Variants in MIER1 observed in about 807,000 individuals in gnomAD.
The protein encoded by MIER1 is mesoderm induction early response protein 1.
MIER1 carries 40 observed loss-of-function variants against 75.7 expected under a neutral mutation model. The observed-to-expected ratio is 0.53, with a 90% CI of 0.41 to 0.69. The LOEUF (loss-of-function observed/expected upper bound fraction) is 0.69, where lower values mean the gene tolerates loss of function less well. Ranked by LOEUF, MIER1 falls within the 30% of genes least tolerant of loss-of-function variation. The probability of loss-of-function intolerance (pLI) is 0.00; values close to 1 mark genes in which losing one functional copy is unlikely to be tolerated. For missense variants in MIER1, 574 were observed against 680.2 expected (o/e 0.84, Z 1.74); for synonymous variants, 213 against 223.4 (o/e 0.95, Z 0.42).
Position 66,985,684 on chromosome 1 carries a change from T to C in MIER1, c.*784T>C. The C allele has an allele frequency of 1.0e-6, 1 of 985,150 alleles. No homozygotes were observed. Among genetic ancestry groups the C allele is most frequent in the Non-Finnish European group, 1.2e-6 (1 of 829,650 alleles). The allele number at this position is 985,150 out of a possible 1,614,324, so 61.0% of individuals were successfully genotyped here. A position where few individuals can be genotyped will look rare whatever the true frequency, so the allele number is the denominator to read the frequency against. ...AGTTGGTAAACTTTTATGAGAGGAA[T>C]TGTTATTCTGAGTCTGTCAGCTTTC... is the stretch of plus-strand genomic sequence containing the variant. On this transcript the variant is annotated 3_prime_UTR_variant, in exon 14 of 14. Transcript: ENST00000401041.
intron 10 of MIER1, among the ~76,000 whole-genome samples, chr1:66,972,235 CATATATAT>C (rs71058486): frequency 3.1e-5 from 2 of 63,708 alleles, no homozygotes; most frequent in South Asian, 3.6e-4. Flanking sequence ...ATATACACTA[CATATATAT>C]ATATATATAT....
intron 11 of MIER1, among the ~76,000 whole-genome samples, chr1:66,974,064 T>C (rs1664208010): frequency 6.6e-6 from 1 of 152,126 alleles, no homozygotes; most frequent in South Asian, 2.1e-4. Flanking sequence ...TCTTAAATTT[T>C]GTCGTGCATT....
intron 10 of MIER1, among the ~76,000 whole-genome samples, chr1:66,972,227 A>ATG (rs1228602875): frequency 1.9e-5 from 2 of 103,366 alleles, no homozygotes; most frequent in East Asian, 2.3e-4. Flanking sequence ...ATATATATAT[A>ATG]TACACTACAT....
At chr1:66,966,431 A>C (rs191535946) in intron 8 of MIER1, among the ~76,000 whole-genome samples, 1 of 152,162 alleles carries the variant, frequency 6.6e-6, no homozygotes, top group Non-Finnish European at 1.5e-5. Context: ...AATCCAGTCT[A>C]TCACTGATGG....
chr1:66,986,092 C>G lies in MIER1; in HGVS notation c.*1192C>G. 2 of 1,065,812 alleles carry G rather than the reference C, an allele frequency of 1.9e-6. No individual in the cohort carries two copies. The highest frequency in any genetic ancestry group is 5.2e-5 in the Admixed American group (1 of 19,340). 66.0% of individuals were successfully genotyped at this position (1,065,812 alleles called of 1,614,324 possible). A position where few individuals can be genotyped will look rare whatever the true frequency, so the allele number is the denominator to read the frequency against. ...AGTGATACTTAGATATTGGCACACA[C>G]AAGGAACAACTGTTGGCAGGCAGTA... On this transcript the variant is annotated 3_prime_UTR_variant, in exon 14 of 14. Coordinates refer to ENST00000401041, the MANE Select transcript of MIER1 (RefSeq NM_001077700.3).
chr1:66,968,736 A>T (rs1366078253), intron 8 of MIER1, among the ~76,000 whole-genome samples: 1 of 152,178 alleles, frequency 6.6e-6, no homozygotes, highest in Non-Finnish European at 1.5e-5. Flanking sequence ...TGATTACAAA[A>T]TCTCCTGAGC....
chr1:66,942,071 G>C (rs1656375770), intron 3 of MIER1, among the ~76,000 whole-genome samples: 1 of 151,760 alleles, frequency 6.6e-6, no homozygotes. Context: ...GACTGAAATA[G>C]ATCTTTTGAG....
At position 66,986,145 on chromosome 1, in the gene MIER1, T is replaced by C. The variant is rs1666752706; in HGVS notation, c.*1245T>C. On this transcript the variant is annotated 3_prime_UTR_variant, in exon 14 of 14. Coordinates refer to ENST00000401041, the MANE Select transcript of MIER1 (RefSeq NM_001077700.3). The stretch of plus-strand genomic sequence containing the variant: ...GATTTTATGAAGAGAAAGTGAAGTT[T>C]GAAAACTTTTCAAACTTTTCTAGTT... The C allele has an allele frequency of 2.6e-6, 3 of 1,166,570 alleles. No individual in the cohort carries two copies. The South Asian group carries it at 9.4e-5, about 37-fold the overall frequency. 72.3% of individuals were successfully genotyped at this position (1,166,570 alleles called of 1,614,324 possible).
At chr1:66,966,856 G>C (rs1476794646) in intron 8 of MIER1, among the ~76,000 whole-genome samples, 3 of 152,138 alleles carry the variant, frequency 2.0e-5, no homozygotes, top group Admixed American at 2.0e-4. Flanking sequence ...TTTTAAATCA[G>C]ATTATTAGAC....
intron 4 of MIER1, among the ~76,000 whole-genome samples, chr1:66,948,644 G>A (rs1658213974): frequency 6.6e-6 from 1 of 152,232 alleles, no homozygotes; most frequent in Non-Finnish European, 1.5e-5. Context: ...TGTAATCTCA[G>A]TACTTCAGAA....
At chr1:66,940,617 A>T (rs189241132) in intron 3 of MIER1, among the ~76,000 whole-genome samples, 1 of 152,182 alleles carries the variant, frequency 6.6e-6, no homozygotes, top group Admixed American at 6.5e-5. Context: ...AATACAGTAC[A>T]TATTCATTTT....
At chr1:66,935,955 C>T (rs977317588) in intron 2 of MIER1, among the ~76,000 whole-genome samples, 12 of 151,824 alleles carry the variant, frequency 7.9e-5, no homozygotes, top group African/African-American at 2.9e-4. Context: ...AAATGTTTTT[C>T]TACCTTTTTG....
intron 3 of MIER1, chr1:66,940,272 T>A (rs1655893437): frequency 9.4e-4 from 21 of 22,312 alleles, no homozygotes; most frequent in East Asian, 2.9e-3. Context: ...TGGGTTTTCT[T>A]TTTTTTTTTT....
intron 2 of MIER1, among the ~76,000 whole-genome samples, chr1:66,935,045 T>G (rs1654440225): frequency 6.6e-6 from 1 of 152,200 alleles, no homozygotes; most frequent in African/African-American, 2.4e-5. Context: ...GTAATACTCA[T>G]TGCAAATAAG....
chr1:66,977,334 T>TC (rs1664926633), intron 12 of MIER1, among the ~76,000 whole-genome samples: 1 of 152,226 alleles, frequency 6.6e-6, no homozygotes, highest in East Asian at 1.9e-4. Flanking sequence ...GGTCTTGAAC[T>TC]CCTGACCTCA....
At chr1:66,957,576 GGTTT>G (rs937186391) in intron 4 of MIER1, among the ~76,000 whole-genome samples, 78 of 149,386 alleles carry the variant, frequency 5.2e-4, no homozygotes, top group African/African-American at 1.7e-3. Flanking sequence ...TATTACTACT[GGTTT>G]GTTTGTGTTT....
intron 2 of MIER1, chr1:66,930,427 TCCCGGAGCCGGGCGCCCCCGG>T (rs749676964): frequency 5.0e-6 from 8 of 1,603,802 alleles, no homozygotes; most frequent in Admixed American, 1.7e-5. Context: ...CCCCTCCCTG[TCCCGGAGCCGGGCGCCCCCGG>T]CCCTGGGCCG....
chr1:66,930,274 G>GCGGCGGGAGCGGCAGAGA (rs1405292236), intron 2 of MIER1: 258 of 1,522,768 alleles, frequency 1.7e-4, no homozygotes, highest in Non-Finnish European at 2.2e-4. Context: ...CGAGGCAGTG[G>GCGGCGGGAGCGGCAGAGA]CGGCGGGAGC....
rs199617016 is a variant in MIER1, at chr1:66,983,306, CTT to C, written c.1370-1265_1370-1264del. ...GGACTTGTTCCTACAGAATTGTTCT[CTT>C]CAATATATTATGATGCATAATCCCC... On this transcript the variant is annotated intron_variant, in intron 13 of 13. Transcript: ENST00000401041. 4.8e-3 allele frequency among the ~76,000 whole-genome samples: 736 copies of C among 152,320 alleles called. 2 individuals are homozygous for C. The highest frequency in any genetic ancestry group is 0.017 in the Middle Eastern group (5 of 294).
Sources: allele counts gnomAD v4.1 joint callset (sites outside exome capture counted in the v4.1 genomes callset), GRCh38; gene constraint gnomAD v4.1.1; transcripts MANE v1.5; gene names NCBI Gene and HGNC (gene_info 2026-07-23, HGNC 2026-07-21).